The following SI variants were observed in gnomAD, a reference collection of about 807,000 sequenced individuals.
SI encodes sucrase-isomaltase.
In SI, 235 loss-of-function variants were observed where a neutral mutation model predicts 253.3. The ratio of observed to expected loss-of-function variants is 0.93; its 90% CI spans 0.83 to 1.03. The LOEUF (loss-of-function observed/expected upper bound fraction) is 1.03, where lower values mean the gene tolerates loss of function less well. Among genes scored for constraint, SI ranks in the 50% least tolerant of loss-of-function variants. The pLI is 0.00. For missense variants in SI, 2,442 were observed against 2,211.1 expected (o/e 1.10, Z -2.09); for synonymous variants, 819 against 712.0 (o/e 1.15, Z -2.39).
intron 17 of SI, among the ~76,000 whole-genome samples, chr3:165,042,376 C>T (rs1356134849): frequency 6.6e-6 from 1 of 152,006 alleles, no homozygotes; most frequent in African/African-American, 2.4e-5. Flanking sequence ...GAACACTGAA[C>T]GGTTTCTTAA....
At chr3:164,996,509 T>A (rs765739672) in intron 40 of SI, 26 bp downstream of exon 40, 1 of 1,206,508 alleles carries the variant, frequency 8.3e-7, no homozygotes, top group Non-Finnish European at 1.2e-6. Context: ...AAGAAAATAC[T>A]GAAAGTAAAT....
chr3:165,081,238 T>G (rs1715311332), upstream of SI, among the ~76,000 whole-genome samples: 1 of 151,932 alleles, frequency 6.6e-6, no homozygotes, highest in Admixed American at 6.6e-5. Context: ...TTCTTAAAAT[T>G]TCAATTATTA....
intron 35 of SI, 35 bp downstream of exon 35, chr3:165,009,244 T>C (rs1718657075): frequency 7.2e-7 from 1 of 1,391,298 alleles, no homozygotes. Context: ...GCACAATAAA[T>C]AACTTAAAAC....
rs775144812 is a variant in SI, at chr3:164,979,404, G to T, written c.5442C>A (p.His1814Gln). The change falls in exon 48 of 48, where the codon CAC becomes CAA. Residue 1814 changes from histidine (H) to glutamine (Q), a missense_variant. Transcript: ENST00000264382. ...NMILRIDLTT[H>Q]NVTLEEPIEI... is the part of the protein sequence containing the mutation. ...CTATTGGTTCTTCTAGAGTAACATT[G>T]TGTGTGGTCAGATCAATACGTAATA... 4 of 1,579,832 alleles carry T rather than the reference G, an allele frequency of 2.5e-6. No homozygotes were observed. Among genetic ancestry groups the T allele is most frequent in the South Asian group, 2.2e-5 (2 of 90,384 alleles).
chr3:164,996,505 A>G (rs1419881314), intron 40 of SI, 30 bp downstream of exon 40: 1 of 1,171,050 alleles, frequency 8.5e-7, no homozygotes, highest in Non-Finnish European at 1.3e-6. Context: ...AAGTAAGAAA[A>G]TACTGAAAGT....
upstream of SI, among the ~76,000 whole-genome samples, chr3:165,083,029 C>T (rs1448444189): frequency 6.6e-6 from 1 of 151,882 alleles, no homozygotes; most frequent in Non-Finnish European, 1.5e-5. Context: ...ACTGGAGGAA[C>T]AAAATCATGC....
At chr3:165,068,111 T>C (rs1321853589) in intron 5 of SI, among the ~76,000 whole-genome samples, 1 of 152,098 alleles carries the variant, frequency 6.6e-6, no homozygotes, top group Non-Finnish European at 1.5e-5. Context: ...TTATAATCAG[T>C]GAAAGTATTA....
chr3:164,982,161 C>T, intron 47 of SI, 82 bp downstream of exon 47: 2 of 1,010,162 alleles, frequency 2.0e-6, no homozygotes, highest in Admixed American at 2.2e-5. Flanking sequence ...AATTATGTTT[C>T]TTACAGATGA....
chr3:165,073,237 CCT>C (rs1490177862), intron 3 of SI, among the ~76,000 whole-genome samples: 2 of 106,746 alleles, frequency 1.9e-5, no homozygotes, highest in African/African-American at 7.4e-5. Context: ...TGTCTCTTTC[CCT>C]CTCTCTCTCT....
chr3:165,025,718 C>A (rs577968645), intron 25 of SI, among the ~76,000 whole-genome samples: 1 of 151,304 alleles, frequency 6.6e-6, no homozygotes, highest in East Asian at 2.0e-4. Flanking sequence ...TCAGCCAAGA[C>A]TTTTGTATCC....
intron 40 of SI, among the ~76,000 whole-genome samples, chr3:164,995,895 A>G (rs371553734): frequency 6.6e-6 from 1 of 151,766 alleles, no homozygotes; most frequent in African/African-American, 2.4e-5. Context: ...ATGAAATAGT[A>G]TATTCTCAAT....
rs566002300 is a variant in SI, at chr3:164,983,063, G to GA, written c.5198-13dup. On this transcript the variant is annotated splice_polypyrimidine_tract_variant and intron_variant, in intron 45 of 47. Coordinates refer to ENST00000264382, the MANE Select transcript of SI (RefSeq NM_001041.4). ...TCTTTCATAGGTGTCTGTAGAGAGA[G>GA]AAAAAAAATGTGATATATTGTTATT... 6,265 of 1,536,258 alleles carry GA rather than the reference G, an allele frequency of 4.1e-3. 14 individuals carry two copies. Among genetic ancestry groups the GA allele is most frequent in the Non-Finnish European group, 5.1e-3 (5,698 of 1,119,660 alleles).
rs373958048 is a variant in SI, at chr3:165,019,918, A to T, written c.3255-148T>A. 9 of 740,444 alleles carry T rather than the reference A, an allele frequency of 1.2e-5. No individual in the cohort carries two copies. In the East Asian group the frequency reaches 2.4e-4, roughly 20 times the overall value. The allele number at this position is 740,444 out of a possible 1,614,324, so 45.9% of individuals were successfully genotyped here. A position where few individuals can be genotyped will look rare whatever the true frequency, so the allele number is the denominator to read the frequency against. ...ATACCCAGGTACCAAATGGAAATAG[A>T]TGATTAATCTAATACATGTTTTCTT... On this transcript the variant is annotated intron_variant, in intron 27 of 47. Coordinates refer to ENST00000264382, the MANE Select transcript of SI (RefSeq NM_001041.4).
intron 13 of SI, among the ~76,000 whole-genome samples, chr3:165,050,841 C>T (rs1279509641): frequency 1.3e-5 from 2 of 151,968 alleles, no homozygotes; most frequent in Non-Finnish European, 2.9e-5. Flanking sequence ...AGACTCACTG[C>T]TTTTCAGCTT....
chr3:165,039,788 T>C, intron 19 of SI, 99 bp downstream of exon 19: 1 of 852,404 alleles, frequency 1.2e-6, no homozygotes, highest in South Asian at 1.3e-5. Context: ...CTTGAAACAG[T>C]CCACTGAGTA....
intron 37 of SI, among the ~76,000 whole-genome samples, chr3:165,000,295 T>A (rs1311564209): frequency 6.6e-6 from 1 of 151,374 alleles, no homozygotes; most frequent in Admixed American, 6.6e-5. Flanking sequence ...GCTGAATATA[T>A]GCTTATCAGG....
chr3:165,067,193 C>T (rs1261350133), intron 6 of SI, 147 bp downstream of exon 6: 4 of 586,738 alleles, frequency 6.8e-6, no homozygotes, highest in Non-Finnish European at 1.2e-5. Flanking sequence ...AGAAACCAAA[C>T]TCCTTTATCA....
chr3:164,992,416 A>G lies in SI; in HGVS notation c.4842-19T>C. 6.7e-7 allele frequency: 1 copy of G among 1,489,866 alleles called. No homozygotes were observed. The highest frequency in any genetic ancestry group is 9.3e-7 in the Non-Finnish European group (1 of 1,072,648). The allele number at this position is 1,489,866 out of a possible 1,614,324, so 92.3% of individuals were successfully genotyped here. ...AAAGAACCTCGACAAAATTATCACA[A>G]ATAATTAAATTAAAACAAATAACTT... On this transcript the variant is annotated intron_variant, in intron 41 of 47. Transcript: ENST00000264382.
intron 44 of SI, among the ~76,000 whole-genome samples, chr3:164,989,028 A>G (rs910939286): frequency 6.6e-5 from 10 of 151,956 alleles, no homozygotes; most frequent in African/African-American, 2.4e-4. Flanking sequence ...TGGCACATGT[A>G]TACATATGTA....
Sources: gnomAD v4.1 joint callset for allele counts (sites outside exome capture counted in the v4.1 genomes callset) on GRCh38, gnomAD v4.1.1 for gene constraint, MANE v1.5 for transcripts, NCBI Gene and HGNC (gene_info 2026-07-23, HGNC 2026-07-21) for gene names.